Variants in CACNA2D2 observed in about 807,000 individuals in gnomAD.
CACNA2D2 encodes calcium voltage-gated channel auxiliary subunit alpha2delta 2.
Under a neutral mutation model 166.4 loss-of-function variants are expected in CACNA2D2, and 48 were observed. The ratio of observed to expected loss-of-function variants is 0.29; its 90% confidence interval spans 0.23 to 0.37. The LOEUF (loss-of-function observed/expected upper bound fraction) is 0.37. Among genes scored for constraint, CACNA2D2 ranks in the 10% least tolerant of loss-of-function variants. CACNA2D2 has a pLI of 1.00. For missense variants in CACNA2D2, 1,122 were observed against 1,433.0 expected (o/e 0.78, Z 3.50); for synonymous variants, 561 against 573.7 (o/e 0.98, Z 0.32).
chr3:50,379,692 C>A lies in CACNA2D2; in HGVS notation c.993+33G>T, dbSNP rs752359300. On this transcript the variant is annotated intron_variant, in intron 10 of 37. Transcript: ENST00000424201. This position sits in a 1 kb window ranked among gnomAD's most constrained non-coding sequence, Gnocchi z 6.5. ...ACAGGAGCAGGGCAGATGGGGTGAC[C>A]CATTTCACCCCGTCTGCCACCTTGG... 5.3e-5 allele frequency: 86 copies of A among 1,608,992 alleles called. 1 individual carries two copies. In the South Asian group the frequency reaches 9.2e-4, roughly 17 times the overall value.
chr3:50,374,909 C>T, intron 21 of CACNA2D2, 96 bp from the exon 22 acceptor site: 1 of 977,998 alleles, frequency 1.0e-6, no homozygotes, highest in Non-Finnish European at 1.6e-6. Context: ...GCCCCAGCTG[C>T]AGCATCCCCT....
At chr3:50,429,703 G>A (rs1266863040) in intron 3 of CACNA2D2, among the ~76,000 whole-genome samples, 3 of 151,460 alleles carry the variant, frequency 2.0e-5, no homozygotes, top group East Asian at 3.9e-4. Flanking sequence ...CCGGGAGGCG[G>A]AGCTTACAGT....
chr3:50,430,335 C>T (rs1015842348), intron 3 of CACNA2D2, among the ~76,000 whole-genome samples: 1 of 152,234 alleles, frequency 6.6e-6, no homozygotes, highest in African/African-American at 2.4e-5. Context: ...ACCTTCCCTT[C>T]CCCCATGGCC....
intron 1 of CACNA2D2, among the ~76,000 whole-genome samples, chr3:50,493,286 G>A (rs936853033): frequency 6.6e-6 from 1 of 152,204 alleles, no homozygotes; most frequent in African/African-American, 2.4e-5. Flanking sequence ...CAATCACAGT[G>A]TACTGTTTAG....
chr3:50,367,288 C>T lies in CACNA2D2; in HGVS notation c.2401+106G>A. The T allele has an allele frequency of 8.6e-7, 1 of 1,156,212 alleles. No homozygotes were observed. Among genetic ancestry groups the T allele is most frequent in the Non-Finnish European group, 1.3e-6 (1 of 781,926 alleles). 71.6% of individuals were successfully genotyped at this position (1,156,212 alleles called of 1,614,324 possible). A position where few individuals can be genotyped will look rare whatever the true frequency, so the allele number is the denominator to read the frequency against. ...TCACGTCTGCCCTGGCCTCAGCCAG[C>T]CTTGTGTTGGAGAGGGGCCTCAGAC... On this transcript the variant is annotated intron_variant, in intron 27 of 37. Coordinates refer to ENST00000424201, the MANE Select transcript of CACNA2D2 (RefSeq NM_006030.4). This position sits in a 1 kb window ranked among gnomAD's most constrained non-coding sequence, Gnocchi z 6.5.
chr3:50,408,255 C>G (rs1215631639), intron 3 of CACNA2D2, among the ~76,000 whole-genome samples: 1 of 152,196 alleles, frequency 6.6e-6, no homozygotes, highest in Non-Finnish European at 1.5e-5. Flanking sequence ...GGGATATGAA[C>G]CTAGGCCAAG....
chr3:50,365,770 A>AG lies in CACNA2D2; in HGVS notation c.2915+39dup, dbSNP rs1167330920. The AG allele has an allele frequency of 1.9e-6, 3 of 1,612,804 alleles. No homozygotes were observed. Among genetic ancestry groups the AG allele is most frequent in the Non-Finnish European group, 8.5e-7 (1 of 1,179,686 alleles). On this transcript the variant is annotated intron_variant, in intron 33 of 37. Transcript: ENST00000424201. This position sits in a 1 kb window ranked among gnomAD's most constrained non-coding sequence, Gnocchi z 4.5. ...ACTTCTCTTCTGAGCCCTCCCGGCC[A>AG]GGGAGCACCTTCTCTACCCACCTCC...
chr3:50,427,164 T>C lies in CACNA2D2; in HGVS notation c.405+7149A>G, dbSNP rs891400433. On this transcript the variant is annotated intron_variant, in intron 3 of 37. Coordinates refer to ENST00000424201, the MANE Select transcript of CACNA2D2 (RefSeq NM_006030.4). The surrounding 1 kb of genome is among the most constrained non-coding windows in gnomAD (Gnocchi z 4.7). Reference sequence around the variant, plus strand: ...TCCAAGGAGCCCTCTCTGACTCCCATTCCTTGGTGGTCGCTCTGCCACCGC... The same window carrying C: ...TCCAAGGAGCCCTCTCTGACTCCCACTCCTTGGTGGTCGCTCTGCCACCGC... 6.6e-6 allele frequency among the ~76,000 whole-genome samples: 1 copy of C among 152,212 alleles called. No individual in the cohort carries two copies. Among genetic ancestry groups the C allele is most frequent in the Non-Finnish European group, 1.5e-5 (1 of 68,018 alleles).
chr3:50,392,994 G>A (rs1397347589), intron 4 of CACNA2D2, among the ~76,000 whole-genome samples: 3 of 152,208 alleles, frequency 2.0e-5, no homozygotes, highest in Admixed American at 2.0e-4. Context: ...GAGTGCCATG[G>A]TGTGGGCAAG....
At position 50,378,190 on chromosome 3, in the gene CACNA2D2, G is replaced by GTT. The variant is rs963399663; in HGVS notation, c.1389+93_1390-93insAA. On this transcript the variant is annotated intron_variant, in intron 14 of 37. Transcript: ENST00000424201. ...GCATTGGGATTGTGCCCCAGCCACTGTGAGGGGGCGCCCTTGGCCCACAGC... is the reference window on the plus strand; with the variant it reads ...GCATTGGGATTGTGCCCCAGCCACTGTTTGAGGGGGCGCCCTTGGCCCACAGC... 9.2e-5 allele frequency: 144 copies of GTT among 1,566,376 alleles called. No homozygotes were observed. The African/African-American group carries it at 1.1e-3, about 12-fold the overall frequency.
At chr3:50,492,918 C>T (rs985557220) in intron 1 of CACNA2D2, among the ~76,000 whole-genome samples, 1 of 152,124 alleles carries the variant, frequency 6.6e-6, no homozygotes, top group Non-Finnish European at 1.5e-5. Context: ...CTGCCACTTG[C>T]CATCTGTGTG....
intron 2 of CACNA2D2, among the ~76,000 whole-genome samples, chr3:50,455,250 T>C (rs893250610): frequency 2.0e-5 from 3 of 152,350 alleles, no homozygotes; most frequent in Admixed American, 6.5e-5. Flanking sequence ...CGGAGGCATT[T>C]GGTGGCGCTC....
intron 1 of CACNA2D2, among the ~76,000 whole-genome samples, chr3:50,498,723 C>A (rs998465529): frequency 6.6e-6 from 1 of 152,194 alleles, no homozygotes; most frequent in African/African-American, 2.4e-5. Context: ...ACAGACAGGG[C>A]AAAGTTACAG....
intron 3 of CACNA2D2, among the ~76,000 whole-genome samples, chr3:50,414,895 C>A: frequency 6.6e-6 from 1 of 152,220 alleles, no homozygotes. Flanking sequence ...GAGGCTCAGG[C>A]GCACAGTGAT....
At chr3:50,438,806 T>G in intron 2 of CACNA2D2, among the ~76,000 whole-genome samples, 1 of 150,758 alleles carries the variant, frequency 6.6e-6, no homozygotes, top group Non-Finnish European at 1.5e-5. Flanking sequence ...AGGGGGAAGA[T>G]GGAAGGGGAG....
At chr3:50,432,304 G>A (rs1708109802) in intron 3 of CACNA2D2, among the ~76,000 whole-genome samples, 1 of 152,228 alleles carries the variant, frequency 6.6e-6, no homozygotes, top group South Asian at 2.1e-4. Context: ...TGGGTCAGGC[G>A]TCTTGTCTCT....
intron 3 of CACNA2D2, among the ~76,000 whole-genome samples, chr3:50,418,607 G>T (rs1707381891): frequency 6.6e-6 from 1 of 152,262 alleles, no homozygotes; most frequent in African/African-American, 2.4e-5. Context: ...GGAGGGGAAT[G>T]CAGGGCAGCT....
intron 1 of CACNA2D2, among the ~76,000 whole-genome samples, chr3:50,502,925 A>T (rs1699040604): frequency 6.6e-6 from 1 of 151,438 alleles, no homozygotes; most frequent in Non-Finnish European, 1.5e-5. Flanking sequence ...ATCAGCTGAC[A>T]AGCTCGGACC....
chr3:50,374,881 C>T, intron 21 of CACNA2D2, 68 bp from the exon 22 acceptor site: 1 of 1,318,944 alleles, frequency 7.6e-7, no homozygotes, highest in Non-Finnish European at 1.1e-6. Context: ...CTCCCCATGG[C>T]CTTGGAGCTG....
Sources: allele counts gnomAD v4.1 joint callset (sites outside exome capture counted in the v4.1 genomes callset), GRCh38; gene constraint gnomAD v4.1.1; non-coding constraint Gnocchi (gnomAD v3.1); transcripts MANE v1.5; gene names NCBI Gene and HGNC (gene_info 2026-07-23, HGNC 2026-07-21).